Variants in AKNA observed in about 807,000 individuals in gnomAD.
AKNA encodes microtubule organization protein AKNA.
A neutral mutation model predicts 138.8 loss-of-function variants in AKNA; 67 were observed. The ratio of observed to expected loss-of-function variants is 0.48; its 90% confidence interval spans 0.40 to 0.59. AKNA has a LOEUF of 0.59. Ranked by LOEUF, AKNA falls within the 20% of genes least tolerant of loss-of-function variation. The pLI is 0.00. For synonymous variants in AKNA, 737 were observed against 754.4 expected, an observed-to-expected ratio of 0.98 and a Z score of 0.38; for missense variants, 1,813 against 1,880.4, an observed-to-expected ratio of 0.96 and a Z score of 0.66.
At chr9:114,350,730 G>A (rs1164660333) in intron 15 of AKNA, 129 bp downstream of exon 15, 4 of 1,062,766 alleles carry the variant, frequency 3.8e-6, no homozygotes, top group Non-Finnish European at 5.3e-6. Flanking sequence ...GGACACCTGG[G>A]TCCGTCTGCT....
chr9:114,331,527 C>T (rs375792796), downstream of AKNA: 2 of 1,519,150 alleles, frequency 1.3e-6, no homozygotes, highest in African/African-American at 1.4e-5. Flanking sequence ...ACCATTGTGC[C>T]ATCCCATGTT....
intron 1 of AKNA, among the ~76,000 whole-genome samples, chr9:114,393,835 AG>A (rs748982627): frequency 2.0e-5 from 3 of 152,048 alleles, no homozygotes; most frequent in Non-Finnish European, 4.4e-5. Context: ...GATAGGAAAA[AG>A]AAAGAGAGAG....
In AKNA at chr9:114,335,528, T is replaced by G. The variant is rs1316140497; in HGVS notation, c.*1526A>C. On this transcript the variant is annotated 3_prime_UTR_variant, in exon 22 of 22. Transcript: ENST00000374088. ...GGCTCACGCCTGTAATCCCAGCAAT[T>G]TGGGAGGCTGAGGTGGGTGGATCAC... 1 of 152,006 alleles carries G rather than the reference T, an allele frequency of 6.6e-6. No individual in the cohort carries two copies. The highest frequency in any genetic ancestry group is 1.5e-5 in the Non-Finnish European group (1 of 68,004). 9.4% of individuals were successfully genotyped at this position (152,006 alleles called of 1,614,324 possible).
chr9:114,397,781 CT>C (rs1050667563), upstream of AKNA, among the ~76,000 whole-genome samples: 9 of 152,152 alleles, frequency 5.9e-5, no homozygotes, highest in Admixed American at 3.9e-4. Flanking sequence ...GGGAACTGGA[CT>C]TATTTTTGCA....
upstream of AKNA, chr9:114,388,032 C>T (rs535920176): frequency 9.6e-5 from 26 of 271,616 alleles, no homozygotes; most frequent in African/African-American, 3.1e-4. Context: ...CACCTCTCCC[C>T]GCCCCTGCCG....
At position 114,358,093 on chromosome 9, in the gene AKNA, G is replaced by A; in HGVS notation, c.2567C>T (p.Ser856Leu). 6.2e-7 allele frequency: 1 copy of A among 1,614,052 alleles called. No homozygotes were observed. ...QASLARDGHM[S>L]GLGKAEAAPP... ...GGCTGCCTCAGCCTTGCCCAGGCCT[G>A]ACATGTGCCCGTCTCTAGCCAGGGA... The change falls in exon 12 of 22, where the codon TCA (serine) becomes TTA (leucine). Residue 856 changes from serine (S) to leucine (L), a missense_variant. Transcript: ENST00000374088.
At chr9:114,381,583 C>CGCTGG in intron 1 of AKNA, 137 bp from the exon 2 acceptor site, 1 of 792,114 alleles carries the variant, frequency 1.3e-6, no homozygotes, top group Non-Finnish European at 1.7e-6. Flanking sequence ...GCTGTGTCAC[C>CGCTGG]TTGGGCAAGT....
chr9:114,332,761 C>CA (rs1438426248), downstream of AKNA, among the ~76,000 whole-genome samples: 1 of 152,184 alleles, frequency 6.6e-6, no homozygotes, highest in Non-Finnish European at 1.5e-5. Flanking sequence ...ACATCATCTG[C>CA]ATAGTAGTGG....
rs1200912543 is a variant in AKNA at position 114,368,570 on chromosome 9, TG to T, written c.1441del (p.Gln481SerfsTer53). The T allele has an allele frequency of 5.7e-6, 8 of 1,395,884 alleles. No homozygotes were observed. The highest frequency in any genetic ancestry group is 1.9e-5 in the South Asian group (1 of 52,098). The allele number at this position is 1,395,884 out of a possible 1,614,324, so 86.5% of individuals were successfully genotyped here. A position where few individuals can be genotyped will look rare whatever the true frequency, so the allele number is the denominator to read the frequency against. On this transcript the variant is annotated frameshift_variant, in exon 5 of 22. Transcript: ENST00000374088. LOFTEE classifies it high-confidence loss of function. ...AKVNLFSDPP[Q>X]PNHSIHTGMV... The stretch of plus-strand genomic sequence containing the variant: ...TCCCGTGTGGATGCTGTGGTTGGGC[TG>T]GGGTGGGTCAGAGAACAGGTTCACC...
chr9:114,367,953 C>T (rs1319070998), intron 5 of AKNA, among the ~76,000 whole-genome samples: 2 of 152,250 alleles, frequency 1.3e-5, no homozygotes, highest in African/African-American at 4.8e-5. Flanking sequence ...GGTTCCCAGT[C>T]AACAGCGTGG....
intron 20 of AKNA, 55 bp from the exon 21 acceptor site, chr9:114,341,780 G>C (rs1478665677): frequency 6.6e-7 from 1 of 1,514,934 alleles, no homozygotes; most frequent in South Asian, 1.3e-5. Flanking sequence ...GGCAGATCCA[G>C]CCAAAGATGG....
At chr9:114,374,191 G>A (rs765800166) in intron 3 of AKNA, 24 bp from the exon 4 acceptor site, 22 of 1,551,284 alleles carry the variant, frequency 1.4e-5, no homozygotes, top group Non-Finnish European at 1.8e-5. Flanking sequence ...GAGCAACACG[G>A]TCACATGCGC....
Position 114,381,175 on chromosome 9 carries a change from G to T in AKNA, c.159C>A (p.Pro53=), listed in dbSNP as rs372994653. The T allele has an allele frequency of 6.2e-7, 1 of 1,614,026 alleles. No homozygotes were observed. Among genetic ancestry groups the T allele is most frequent in the East Asian group, 2.2e-5 (1 of 44,886 alleles). ...CCAGGCGGAAGTCCTCTAGGAGCTC[G>T]GGGCTGGTGGCATTGGGAAAGAGTC... The part of the protein sequence containing the change: ...EERLFPNATS[P]ELLEDFRLAQ... Residue 53 remains proline, a synonymous_variant, in exon 2 of 22, where the codon CCC becomes CCA. Transcript: ENST00000374088.
intron 9 of AKNA, among the ~76,000 whole-genome samples, chr9:114,361,240 G>A (rs903746947): frequency 6.6e-6 from 1 of 151,904 alleles, no homozygotes; most frequent in African/African-American, 2.4e-5. Flanking sequence ...TCTAGCCACA[G>A]GGCCTTTGCA....
intron 12 of AKNA, 120 bp downstream of exon 12, chr9:114,357,801 G>C: frequency 1.3e-6 from 2 of 1,486,456 alleles, no homozygotes. Context: ...GGCTGGCAGG[G>C]ACAGGAGCAG....
rs1564654642 is a variant in AKNA, at chr9:114,377,137, C to CGGA, written c.669_670insTCC (p.Thr223_Asp224insSer). 1.2e-6 allele frequency: 2 copies of CGGA among 1,614,154 alleles called. No homozygotes were observed. Among genetic ancestry groups the CGGA allele is most frequent in the East Asian group, 4.5e-5 (2 of 44,882 alleles). ...GCCAGGGCAGTGGGCTGGGGGCCAT[C>CGGA]GGTCTCTCCTTCCCAGGTAGAATCA... On this transcript the variant is annotated inframe_insertion, in exon 3 of 22. Coordinates refer to ENST00000374088, the MANE Select transcript of AKNA (RefSeq NM_001317950.2).
chr9:114,377,636 G>T lies in AKNA; in HGVS notation c.275-104C>A, dbSNP rs960822717. 5.1e-6 allele frequency: 6 copies of T among 1,178,202 alleles called. No homozygotes were observed. The African/African-American group carries it at 6.2e-5, about 12-fold the overall frequency. The allele number at this position is 1,178,202 out of a possible 1,614,324, so 73.0% of individuals were successfully genotyped here. Reference sequence around the variant, plus strand: ...TCTCTGGCTTCCATTTCCTCATCACGTGGGGATGGAAAGAATCCCAAGGTG... The same window carrying T: ...TCTCTGGCTTCCATTTCCTCATCACTTGGGGATGGAAAGAATCCCAAGGTG... On this transcript the variant is annotated intron_variant, in intron 2 of 21. Transcript: ENST00000374088.
rs1588959722 is a variant in AKNA, at chr9:114,350,741, C to T, written c.3221+118G>A. The T allele has an allele frequency of 4.9e-6, 6 of 1,235,134 alleles. No homozygotes were observed. The East Asian group carries it at 1.5e-4, about 32-fold the overall frequency. The allele number at this position is 1,235,134 out of a possible 1,614,324, so 76.5% of individuals were successfully genotyped here. ...GGCAGGACACCTGGGTCCGTCTGCT[C>T]CTACCACCACCATCTGTGTGAGCTG... On this transcript the variant is annotated intron_variant, in intron 15 of 21. Transcript: ENST00000374088.
intron 1 of AKNA, among the ~76,000 whole-genome samples, chr9:114,384,093 C>T (rs1833870197): frequency 6.6e-6 from 1 of 152,232 alleles, no homozygotes; most frequent in Non-Finnish European, 1.5e-5. Context: ...TAGAATTTGG[C>T]TAAGATCACC....
Sources: allele counts gnomAD v4.1 joint callset (sites outside exome capture counted in the v4.1 genomes callset), GRCh38; gene constraint gnomAD v4.1.1; transcripts MANE v1.5; gene names NCBI Gene and HGNC (gene_info 2026-07-23, HGNC 2026-07-21).